The following HELZ2 variants were observed in gnomAD, a reference collection of about 807,000 sequenced individuals.
The protein encoded by HELZ2 is 3'-5' exoribonuclease HELZ2.
In HELZ2, 143 loss-of-function variants were observed where a neutral mutation model predicts 208.8. The observed-to-expected ratio is 0.68, with a 90% CI of 0.60 to 0.79. The LOEUF (loss-of-function observed/expected upper bound fraction) is 0.79, where lower values mean the gene tolerates loss of function less well. Ranked by LOEUF, HELZ2 falls within the 30% of genes least tolerant of loss-of-function variation. The pLI is 0.00. For missense variants in HELZ2, 3,690 were observed against 3,794.5 expected, an observed-to-expected ratio of 0.97 and a Z score of 0.72; for synonymous variants, 1,705 against 1,693.7, an observed-to-expected ratio of 1.01 and a Z score of -0.16.
chr20:63,573,732 C>G (rs1427449322), upstream of HELZ2, among the ~76,000 whole-genome samples: 1 of 152,020 alleles, frequency 6.6e-6, no homozygotes, highest in East Asian at 2.0e-4. The surrounding 1 kb of genome is among the most constrained non-coding windows in gnomAD (Gnocchi z 4.9). Context: ...GAGGAGGGTA[C>G]AGTGCCCACC....
At chr20:63,570,647 A>AGGGC in intron 2 of HELZ2, 36 bp from the exon 4 acceptor site, 12 of 1,497,264 alleles carry the variant, frequency 8.0e-6, no homozygotes, top group South Asian at 1.2e-5. Context: ...AGAGGCCTGG[A>AGGGC]CCCCACCCCA....
rs918738098 is a variant in HELZ2, at chr20:63,569,760, G to A, written c.571-95C>T. On this transcript the variant is annotated intron_variant, in intron 3 of 18. Transcript: ENST00000467148. ...AGCGTAGCCCAAGTGCAGGGTTCAGGTCCTGGCCCTGCCACTTCCTGGATA... is the reference window on the plus strand; with the variant it reads ...AGCGTAGCCCAAGTGCAGGGTTCAGATCCTGGCCCTGCCACTTCCTGGATA... The A allele has an allele frequency of 1.1e-5, 14 of 1,300,318 alleles. No homozygotes were observed. In the East Asian group the frequency reaches 3.3e-4, roughly 31 times the overall value. The allele number at this position is 1,300,318 out of a possible 1,614,324, so 80.5% of individuals were successfully genotyped here.
chr20:63,571,066 G>GGCC, intron 1 of HELZ2, 198 bp from the exon 3 acceptor site: 1 of 540,948 alleles, frequency 1.8e-6, no homozygotes, highest in Non-Finnish European at 3.3e-6. Flanking sequence ...GGTCCTCAGA[G>GGCC]GCCACATGGC....
At chr20:63,564,384 C>G (rs747752725) in exon 8 of HELZ2, 5 of 1,550,860 alleles carry the variant, frequency 3.2e-6, no homozygotes, top group Non-Finnish European at 4.3e-6. Context: ...TCCACGGAGT[C>G]CAGGCGGGCC....
Position 63,564,695 on chromosome 20 carries a change from G to C in HELZ2, c.4127C>G (p.Ala1376Gly), listed in dbSNP as rs761358239. 1.9e-6 allele frequency: 3 copies of C among 1,598,942 alleles called. No individual in the cohort carries two copies. The highest frequency in any genetic ancestry group is 2.6e-6 in the Non-Finnish European group (3 of 1,172,442). ...CACCCCGTCCCTGGGCACGAAGCTG[G>C]CCACATCAGTGATGTGCACAGCCAC... is the stretch of plus-strand genomic sequence containing the variant. The change falls in exon 8 of 19, where the codon GCC becomes GGC. Residue 1376 changes from alanine (A) to glycine (G), a missense_variant. Ala to Gly is a moderately conservative substitution (Grantham distance 60, BLOSUM62 0). This residue lies in a region of HELZ2 where 2,564 missense variants were observed against 2,580.5 expected (regional missense o/e 0.99). Coordinates refer to ENST00000467148, the Ensembl canonical transcript of HELZ2.
In HELZ2 at chr20:63,561,564, C is replaced by T. The variant is rs764059357; in HGVS notation, c.6836+37G>A. 42 of 1,582,850 alleles carry T rather than the reference C, an allele frequency of 2.7e-5. No homozygotes were observed. The East Asian group carries it at 9.4e-4, about 35-fold the overall frequency. On this transcript the variant is annotated intron_variant, in intron 12 of 18. Coordinates refer to ENST00000467148, the Ensembl canonical transcript of HELZ2. ...ACACAGGACTGTCTGGACAGCTCGGCCCCACTCCGCCCAAGCCCCAAAGAC... is the reference window on the plus strand; with the variant it reads ...ACACAGGACTGTCTGGACAGCTCGGTCCCACTCCGCCCAAGCCCCAAAGAC...
rs375618024 is a variant in HELZ2, at chr20:63,560,581, A to G, written c.7398T>C (p.Pro2466=). Residue 2466 remains proline (P), a synonymous_variant, in exon 16 of 19, where the codon CCT becomes CCC. Coordinates refer to ENST00000467148, the Ensembl canonical transcript of HELZ2. Reference sequence around the variant, plus strand: ...GGCCCTGCACGTGGCCAAAGATGACAGGGCAGCTCTCCTTGCCAGCGTGGC... The same window carrying G: ...GGCCCTGCACGTGGCCAAAGATGACGGGGCAGCTCTCCTTGCCAGCGTGGC... 3.1e-6 allele frequency: 5 copies of G among 1,612,540 alleles called. No homozygotes were observed. In the African/African-American group the frequency reaches 5.3e-5, roughly 17 times the overall value.
At position 63,566,875 on chromosome 20, in the gene HELZ2, C is replaced by T. The variant is rs767910698; in HGVS notation, c.2483G>A (p.Arg828Lys). 6.2e-6 allele frequency: 10 copies of T among 1,605,258 alleles called. No individual in the cohort carries two copies. The highest frequency in any genetic ancestry group is 2.2e-5 in the South Asian group (2 of 90,996). The change falls in exon 6 of 19, where the codon AGG becomes AAG. Residue 828 changes from arginine to lysine, a missense_variant. By Grantham distance (26) the Arg-to-Lys change is conservative. Coordinates refer to ENST00000467148, the Ensembl canonical transcript of HELZ2. ...ACCGTGGGAAACGACACAGATGCAC[C>T]TCTGCTCGCGGCCGCCCCAGCAGCT... is the stretch of plus-strand genomic sequence containing the variant.
chr20:63,569,641 G>A, exon 4 of HELZ2: 2 of 1,541,410 alleles, frequency 1.3e-6, no homozygotes, highest in South Asian at 1.2e-5. Flanking sequence ...TCCTGCTTCA[G>A]CAGGGCCACG....
At chr20:63,562,563 T>A in exon 8 of HELZ2, 1 of 1,596,990 alleles carries the variant, frequency 6.3e-7, no homozygotes, top group Non-Finnish European at 8.5e-7. Flanking sequence ...GTGAACAGGG[T>A]GCCCGGCCTC....
At chr20:63,568,900 G>A (rs572226271) in exon 5 of HELZ2, 25 of 1,611,138 alleles carry the variant, frequency 1.6e-5, no homozygotes, top group South Asian at 4.4e-5. Context: ...AGGAGGGGAC[G>A]GGGACCTCTG....
At chr20:63,569,319 T>C (rs1420608665) in exon 4 of HELZ2, 3 of 1,590,740 alleles carry the variant, frequency 1.9e-6, no homozygotes, top group East Asian at 2.3e-5. Context: ...GGCCGTCCGC[T>C]CCACGCCAGG....
At chr20:63,559,159 AGG>A (rs1365188710), downstream of HELZ2, 21 of 1,296,952 alleles carry the variant, frequency 1.6e-5, no homozygotes, top group Non-Finnish European at 1.3e-5. Flanking sequence ...TGGCCCAGGC[AGG>A]CTGATGGCGG....
At chr20:63,570,921 A>G in intron 1 of HELZ2, 53 bp from the exon 3 acceptor site, 1 of 1,462,212 alleles carries the variant, frequency 6.8e-7, no homozygotes, top group Non-Finnish European at 9.3e-7. Flanking sequence ...CGCCGTGCTG[A>G]GTTCAAAGGC....
At chr20:63,569,364 A>G (rs747422323) in exon 4 of HELZ2, 22 of 1,607,546 alleles carry the variant, frequency 1.4e-5, no homozygotes, top group Non-Finnish European at 1.8e-5. Flanking sequence ...CCAGCGCTCC[A>G]TCTCCTCAGG....
chr20:63,566,297 C>T (rs889244007), intron 7 of HELZ2, 66 bp from the exon 9 acceptor site: 16 of 1,503,590 alleles, frequency 1.1e-5, no homozygotes, highest in Middle Eastern at 2.3e-4. Flanking sequence ...CCACCCCTGC[C>T]GATGCCAGGC....
intron 2 of HELZ2, 33 bp downstream of exon 3, chr20:63,570,652 A>ACCCC: frequency 1.1e-6 from 1 of 898,466 alleles, no homozygotes; most frequent in Non-Finnish European, 1.5e-6. Flanking sequence ...CCTGGACCCC[A>ACCCC]CCCCACCCCA....
At chr20:63,565,756 C>A in exon 8 of HELZ2, 1 of 1,601,934 alleles carries the variant, frequency 6.2e-7, no homozygotes. Flanking sequence ...CTGGTGCTGC[C>A]GCAGCCTCCG....
intron 8 of HELZ2, 54 bp from the exon 10 acceptor site, chr20:63,562,436 G>A (rs1302193072): frequency 2.6e-5 from 40 of 1,532,196 alleles, no homozygotes; most frequent in African/African-American, 8.3e-5. Flanking sequence ...GAAAGGGGCT[G>A]CTGCCCCACG....
Sources: allele counts gnomAD v4.1 joint callset (sites outside exome capture counted in the v4.1 genomes callset), GRCh38; gene constraint gnomAD v4.1.1; regional missense constraint gnomAD v4.1.1; non-coding constraint Gnocchi (gnomAD v3.1); transcripts MANE v1.5; gene names NCBI Gene and HGNC (gene_info 2026-07-23, HGNC 2026-07-21).